Variants in PIP5K1B observed in about 807,000 individuals in gnomAD.
PIP5K1B encodes the protein phosphatidylinositol 4-phosphate 5-kinase type-1 beta.
In PIP5K1B, 42 loss-of-function variants were observed where a neutral mutation model predicts 67.0. The observed-to-expected ratio is 0.63, with a 90% CI of 0.49 to 0.81. PIP5K1B has a LOEUF of 0.81. PIP5K1B is among the 30% of genes least tolerant of loss of function. The pLI is 0.00. For synonymous variants in PIP5K1B, 214 were observed against 231.4 expected (o/e 0.92, Z 0.68); for missense variants, 459 against 646.3 (o/e 0.71, Z 3.14).
chr9:68,877,480 T>A (rs929664637), intron 6 of PIP5K1B, among the ~76,000 whole-genome samples: 2 of 152,202 alleles, frequency 1.3e-5, no homozygotes, highest in Non-Finnish European at 2.9e-5. Flanking sequence ...TTGATCACTG[T>A]TAACACCCTG....
In PIP5K1B at chr9:68,921,223, G is replaced by A. The variant is rs1826383971; in HGVS notation, c.1116+1494G>A. On this transcript the variant is annotated intron_variant, in intron 11 of 15. Transcript: ENST00000265382. ...TGCTGGTAGTCCTGGCTACTCAAGA[G>A]ACTGGGGCAGGATGATCACTTGAGC... 2.0e-5 allele frequency among the ~76,000 whole-genome samples: 3 copies of A among 152,100 alleles called. No homozygotes were observed. The South Asian group carries it at 6.2e-4, about 32-fold the overall frequency.
At position 68,958,639 on chromosome 9, in the gene PIP5K1B, G is replaced by A. The variant is rs1323809772; in HGVS notation, c.1502+17849G>A. On this transcript the variant is annotated intron_variant, in intron 14 of 15. Coordinates refer to ENST00000265382, the MANE Select transcript of PIP5K1B (RefSeq NM_003558.4). ...TTTGCTTTTTTTCTCCTATTCAATC[G>A]CATACTTAGACATTAATATTTTTAA... Among the ~76,000 whole-genome samples the A allele has an allele frequency of 6.6e-5, 10 of 151,946 alleles. No homozygotes were observed. In the South Asian group the frequency reaches 8.3e-4, roughly 13 times the overall value.
chr9:68,893,543 A>C (rs1449788680), intron 7 of PIP5K1B, among the ~76,000 whole-genome samples: 1 of 152,114 alleles, frequency 6.6e-6, no homozygotes, highest in African/African-American at 2.4e-5. Context: ...CATGCTAGCC[A>C]GGCTGGTCTC....
At chr9:68,752,783 T>C (rs1829699379) in intron 2 of PIP5K1B, among the ~76,000 whole-genome samples, 1 of 152,136 alleles carries the variant, frequency 6.6e-6, no homozygotes, top group Non-Finnish European at 1.5e-5. Context: ...TTACAAAAAC[T>C]CTTTATTGGT....
At chr9:68,923,164 G>A in intron 11 of PIP5K1B, 138 bp from the exon 12 acceptor site, 1 of 665,690 alleles carries the variant, frequency 1.5e-6, no homozygotes. Context: ...CGGGCTACAG[G>A]ACATTCCTGT....
chr9:68,754,540 CTTTCT>C (rs925781575), intron 2 of PIP5K1B, among the ~76,000 whole-genome samples: 1 of 152,090 alleles, frequency 6.6e-6, no homozygotes, highest in African/African-American at 2.4e-5. Flanking sequence ...TATACTCTTT[CTTTCT>C]TTTATGAATG....
intron 8 of PIP5K1B, among the ~76,000 whole-genome samples, chr9:68,897,100 G>A (rs1190562588): frequency 6.6e-6 from 1 of 152,172 alleles, no homozygotes; most frequent in East Asian, 1.9e-4. Context: ...GCTGGCTGAG[G>A]GGCTGCAGAG....
chr9:68,758,402 A>G (rs922741383), intron 2 of PIP5K1B, among the ~76,000 whole-genome samples: 4 of 152,204 alleles, frequency 2.6e-5, no homozygotes, highest in African/African-American at 9.6e-5. Context: ...TTCTCAGCAA[A>G]TGAATACATG....
At chr9:68,819,916 T>A (rs1311076268) in intron 3 of PIP5K1B, among the ~76,000 whole-genome samples, 2 of 152,122 alleles carry the variant, frequency 1.3e-5, no homozygotes. Flanking sequence ...TAAAAGGAAG[T>A]GTTTTAAAAA....
At chr9:68,998,469 C>T (rs1587784914) in intron 15 of PIP5K1B, among the ~76,000 whole-genome samples, 1 of 152,290 alleles carries the variant, frequency 6.6e-6, no homozygotes, top group Non-Finnish European at 1.5e-5. Context: ...ACTGGCCTCT[C>T]TTCCCTTCCC....
chr9:68,943,351 T>C (rs1373856426), intron 14 of PIP5K1B, among the ~76,000 whole-genome samples: 2 of 152,042 alleles, frequency 1.3e-5, no homozygotes, highest in African/African-American at 4.8e-5. Context: ...ATCACAGACT[T>C]AGGGAAATCA....
chr9:68,758,317 T>C (rs1376316133), intron 2 of PIP5K1B, among the ~76,000 whole-genome samples: 1 of 152,156 alleles, frequency 6.6e-6, no homozygotes, highest in African/African-American at 2.4e-5. Flanking sequence ...GTTGGAATTA[T>C]CTGACAGACT....
intron 2 of PIP5K1B, among the ~76,000 whole-genome samples, chr9:68,800,718 C>T (rs1832552914): frequency 6.6e-6 from 1 of 152,036 alleles, no homozygotes; most frequent in Non-Finnish European, 1.5e-5. Flanking sequence ...TTAAGTCTGC[C>T]CAGAGGTGGT....
At chr9:68,964,997 G>T (rs1828944727) in intron 14 of PIP5K1B, among the ~76,000 whole-genome samples, 1 of 152,220 alleles carries the variant, frequency 6.6e-6, no homozygotes, top group Non-Finnish European at 1.5e-5. Context: ...GCCTTAAGCT[G>T]CCACCATTTG....
intron 14 of PIP5K1B, among the ~76,000 whole-genome samples, chr9:68,968,468 G>A (rs1269356304): frequency 1.5e-4 from 22 of 142,746 alleles, no homozygotes; most frequent in Non-Finnish European, 1.5e-4. Flanking sequence ...GCAGTGAACC[G>A]TAATCAGCCT....
At chr9:68,952,034 C>CTA (rs1015427771) in intron 14 of PIP5K1B, among the ~76,000 whole-genome samples, 1 of 152,144 alleles carries the variant, frequency 6.6e-6, no homozygotes, top group Non-Finnish European at 1.5e-5. Context: ...CCCCCTCCTC[C>CTA]TACACCCTTC....
chr9:69,001,010 G>A (rs970690799), intron 15 of PIP5K1B, among the ~76,000 whole-genome samples: 4 of 151,772 alleles, frequency 2.6e-5, no homozygotes, highest in Non-Finnish European at 5.9e-5. Flanking sequence ...TGATTCTCGT[G>A]CCTCAGTCTG....
At chr9:68,767,957 A>G (rs1830512400) in intron 2 of PIP5K1B, among the ~76,000 whole-genome samples, 1 of 152,166 alleles carries the variant, frequency 6.6e-6, no homozygotes, top group Admixed American at 6.5e-5. Context: ...AAACTGACAC[A>G]CATTCCCAAA....
In PIP5K1B at chr9:68,933,064, T is replaced by C. The variant is rs182446770; in HGVS notation, c.1202-1826T>C. Among the ~76,000 whole-genome samples, 1,004 of 147,476 alleles carry C rather than the reference T, an allele frequency of 6.8e-3. 13 individuals are homozygous for C. The highest frequency in any genetic ancestry group is 0.024 in the African/African-American group (959 of 39,766). On this transcript the variant is annotated intron_variant, in intron 12 of 15. Transcript: ENST00000265382. ...GCAGTGAGCCGAGATTGCGCCATTC[T>C]CTCCAGCCTGGGCAACAAGAGCAAA...
Sources: gnomAD v4.1 joint callset for allele counts (sites outside exome capture counted in the v4.1 genomes callset) on GRCh38, gnomAD v4.1.1 for gene constraint, MANE v1.5 for transcripts, NCBI Gene and HGNC (gene_info 2026-07-23, HGNC 2026-07-21) for gene names.